The following XIST variants were observed in gnomAD, a reference collection of about 807,000 sequenced individuals.
XIST encodes the protein X inactive specific transcript (non-protein coding).
chrX:73,839,820 T>TCA (rs1328197844), intron 1 of XIST, among the ~76,000 whole-genome samples: 2 of 110,000 alleles, frequency 1.8e-5, no homozygotes, highest in Non-Finnish European at 3.8e-5. Context: ...TCTAGTATAA[T>TCA]CAATCCACCT....
chrX:73,825,063 G>A (rs1036622259), exon 6 of XIST: 5 of 512,937 alleles, frequency 9.7e-6, no homozygotes, highest in Non-Finnish European at 1.7e-5. Flanking sequence ...GCACCTTTCT[G>A]AAATTTTTTG....
exon 6 of XIST, chrX:73,825,957 T>C: frequency 1.8e-6 from 1 of 559,159 alleles, no homozygotes; most frequent in East Asian, 3.2e-5. Context: ...AGATGGGTAT[T>C]AAACCCAGGA....
At chrX:73,851,658 C>T (rs770599220) in exon 1 of XIST, 17 of 557,197 alleles carry the variant, frequency 3.1e-5, no homozygotes, top group African/African-American at 4.5e-5. Flanking sequence ...ACAACAATCA[C>T]GCAAAGCTCC....
intron 4 of XIST, among the ~76,000 whole-genome samples, chrX:73,830,309 A>C (rs1922354369): frequency 8.9e-6 from 1 of 112,091 alleles, no homozygotes; most frequent in Admixed American, 9.4e-5. Flanking sequence ...AAATCTACAG[A>C]GATTTCTAGT....
At chrX:73,824,166 A>G (rs1436555656) in exon 6 of XIST, 1 of 515,874 alleles carries the variant, frequency 1.9e-6, no homozygotes, top group Non-Finnish European at 3.5e-6. Flanking sequence ...CCCAAGACAC[A>G]ATAAAGATGG....
Position 73,827,734 on chromosome X carries a change from C to T in XIST, n.12167G>A, listed in dbSNP as rs73486505. 0.016 allele frequency: 8,478 copies of T among 546,311 alleles called. 387 individuals carry two copies. The highest frequency in any genetic ancestry group is 0.15 in the African/African-American group (6,561 of 44,013). 45.0% of individuals were successfully genotyped at this position (546,311 alleles called of 1,213,427 possible). On this transcript the variant is annotated non_coding_transcript_exon_variant, in exon 6 of 6. Transcript: ENST00000429829. ...GGACAAAAAGCACACAGCATGTGAC[C>T]CAAAAAGGAGACATGAAATAAAGCG... is the stretch of plus-strand genomic sequence containing the variant.
chrX:73,825,971 G>A (rs1312655979), exon 6 of XIST: 2 of 557,327 alleles, frequency 3.6e-6, no homozygotes, highest in African/African-American at 4.5e-5. Flanking sequence ...CCCAGGAGTA[G>A]CGTTGGCACA....
At chrX:73,828,451 G>A (rs985756802) in intron 5 of XIST, 1 of 117,625 alleles carries the variant, frequency 8.5e-6, no homozygotes, top group Non-Finnish European at 1.8e-5. Flanking sequence ...TACCTAATGA[G>A]TAGCAGAGGA....
chrX:73,833,284 G>C, exon 3 of XIST: 1 of 558,804 alleles, frequency 1.8e-6, no homozygotes, highest in Non-Finnish European at 3.2e-6. Context: ...ATTAGCTGGA[G>C]CTTGGCCAGA....
chrX:73,832,242 G>A (rs921142116), intron 3 of XIST, among the ~76,000 whole-genome samples: 1 of 110,694 alleles, frequency 9.0e-6, no homozygotes, highest in Non-Finnish European at 1.9e-5. Context: ...GCTGAGGCAG[G>A]AGAATAACTT....
At position 73,827,629 on chromosome X, in the gene XIST, G is replaced by C. The variant is rs552073275; in HGVS notation, n.12272C>G. ...TGAAATTTAAAACGAACGAGAAGGG[G>C]AAGGGGTAACAAATAATCACAGTTC... On this transcript the variant is annotated non_coding_transcript_exon_variant, in exon 6 of 6. Coordinates refer to ENST00000429829, the Ensembl canonical transcript of XIST. 139 of 548,547 alleles carry C rather than the reference G, an allele frequency of 2.5e-4. 1 individual carries two copies. The South Asian group carries it at 3.1e-3, about 12-fold the overall frequency. 45.2% of individuals were successfully genotyped at this position (548,547 alleles called of 1,213,427 possible). A position where few individuals can be genotyped will look rare whatever the true frequency, so the allele number is the denominator to read the frequency against.
chrX:73,826,043 C>T, exon 6 of XIST: 1 of 558,734 alleles, frequency 1.8e-6, no homozygotes, highest in South Asian at 2.2e-5. Context: ...CTTGGGACCT[C>T]GCTTTGTCCC....
intron 1 of XIST, among the ~76,000 whole-genome samples, chrX:73,838,105 G>A (rs1376041479): frequency 9.0e-6 from 1 of 111,355 alleles, no homozygotes; most frequent in Non-Finnish European, 1.9e-5. Context: ...AGATCTATAA[G>A]GCTGGAAAAC....
intron 3 of XIST, chrX:73,831,319 G>C (rs1161482643): frequency 2.1e-6 from 1 of 480,150 alleles, no homozygotes; most frequent in Non-Finnish European, 3.7e-6. Flanking sequence ...AGTACACTGG[G>C]AAAGTCTGTT....
exon 1 of XIST, chrX:73,846,584 A>G: frequency 1.8e-6 from 1 of 558,314 alleles, no homozygotes; most frequent in East Asian, 3.3e-5. Context: ...TCCAAGATGC[A>G]TGCTTGTGGT....
exon 1 of XIST, chrX:73,846,639 T>G (rs944993887): frequency 1.8e-6 from 1 of 559,185 alleles, no homozygotes. Flanking sequence ...AAGGGTCTTA[T>G]GGGGTGGGCA....
Position 73,851,030 on chromosome X carries a change from T to C in XIST, n.1694A>G, listed in dbSNP as rs757160390. The stretch of plus-strand genomic sequence containing the variant: ...AGACAGCTGCGAAGTGCCATGCTAA[T>C]TCACCCAGGTCTTCGCTGAGTAGCT... On this transcript the variant is annotated non_coding_transcript_exon_variant, in exon 1 of 6. Transcript: ENST00000429829. The C allele has an allele frequency of 8.1e-5, 45 of 558,038 alleles. No homozygotes were observed. In the South Asian group the frequency reaches 9.6e-4, roughly 12 times the overall value. The allele number at this position is 558,038 out of a possible 1,213,427, so 46.0% of individuals were successfully genotyped here. A position where few individuals can be genotyped will look rare whatever the true frequency, so the allele number is the denominator to read the frequency against.
chrX:73,850,012 G>A (rs770450898), exon 1 of XIST: 2 of 558,725 alleles, frequency 3.6e-6, no homozygotes, highest in Non-Finnish European at 6.5e-6. Context: ...AGTCTGAATA[G>A]AGGACACCAG....
At chrX:73,848,447 C>A in exon 1 of XIST, 1 of 557,827 alleles carries the variant, frequency 1.8e-6, no homozygotes, top group South Asian at 2.2e-5. Context: ...TAGTAAGGGT[C>A]CCCTGCTGGA....
Sources: gnomAD v4.1 joint callset for allele counts (sites outside exome capture counted in the v4.1 genomes callset) on GRCh38, gnomAD v4.1.1 for gene constraint, MANE v1.5 for transcripts, NCBI Gene and HGNC (gene_info 2026-07-23, HGNC 2026-07-21) for gene names.